The following ATP6V1A variants were observed in gnomAD, a reference collection of about 807,000 sequenced individuals.
ATP6V1A encodes ATPase H+ transporting V1 subunit A, also known as V-type proton ATPase catalytic subunit A.
ATP6V1A carries 18 observed loss-of-function variants against 70.1 expected under a neutral mutation model. That is an observed-to-expected ratio of 0.26 (90% CI 0.18 to 0.38). ATP6V1A has a LOEUF of 0.38. Among genes scored for constraint, ATP6V1A ranks in the 10% least tolerant of loss-of-function variants. ATP6V1A has a pLI of 1.00. For synonymous variants in ATP6V1A, 232 were observed against 253.8 expected (o/e 0.91, Z 0.82); for missense variants, 424 against 772.4 (o/e 0.55, Z 5.35).
In ATP6V1A at chr3:113,778,742, TA is replaced by T; in HGVS notation, c.-9del. 2 of 1,550,470 alleles carry T rather than the reference TA, an allele frequency of 1.3e-6. No homozygotes were observed. The highest frequency in any genetic ancestry group is 1.7e-6 in the Non-Finnish European group (2 of 1,143,870). On this transcript the variant is annotated splice_region_variant and 5_prime_UTR_variant, in exon 2 of 15. Transcript: ENST00000273398. ...TATTTATTTATTTATTTACTATAGG[TA>T]AACTAACATTATGGATTTTTCCAAG...
intron 2 of ATP6V1A, among the ~76,000 whole-genome samples, chr3:113,779,769 CAAA>C (rs986894494): frequency 2.0e-5 from 3 of 152,100 alleles, no homozygotes; most frequent in African/African-American, 4.8e-5. Context: ...AGAGAAAAGG[CAAA>C]AGAACATCAG....
intron 9 of ATP6V1A, 42 bp downstream of exon 9, chr3:113,795,036 G>T (rs774450065): frequency 4.3e-6 from 7 of 1,613,272 alleles, no homozygotes; most frequent in East Asian, 4.5e-5. Flanking sequence ...AGACTGATGG[G>T]ATTTTCGGGG....
At chr3:113,800,971 A>T (rs2108042553) in intron 12 of ATP6V1A, among the ~76,000 whole-genome samples, 1 of 152,204 alleles carries the variant, frequency 6.6e-6, no homozygotes, top group South Asian at 2.1e-4. Flanking sequence ...CCTGGGCAAC[A>T]TGACGAGACC....
chr3:113,787,764 C>T (rs889992327), intron 6 of ATP6V1A, among the ~76,000 whole-genome samples: 9 of 152,084 alleles, frequency 5.9e-5, no homozygotes, highest in African/African-American at 1.9e-4. Flanking sequence ...AAAGTAATGG[C>T]AAAAACCGAT....
intron 11 of ATP6V1A, among the ~76,000 whole-genome samples, chr3:113,796,229 A>G (rs1709152221): frequency 6.6e-6 from 1 of 152,216 alleles, no homozygotes; most frequent in South Asian, 2.1e-4. Flanking sequence ...TTTAAGTCAT[A>G]GTAACCCTAG....
chr3:113,795,218 C>A lies in ATP6V1A; in HGVS notation c.1226+14C>A. On this transcript the variant is annotated intron_variant, in intron 10 of 14. Coordinates refer to ENST00000273398, the MANE Select transcript of ATP6V1A (RefSeq NM_001690.4). ...CATTGTAGGAGCGTAAGCACCCACA[C>A]TATTTACTTTGCAAAAGGAAAAAAG... is the stretch of plus-strand genomic sequence containing the variant. The A allele has an allele frequency of 1.9e-6, 3 of 1,606,002 alleles. No homozygotes were observed. The highest frequency in any genetic ancestry group is 2.5e-6 in the Non-Finnish European group (3 of 1,176,674).
In ATP6V1A at chr3:113,766,731, C is replaced by T. The variant is rs1035963898; in HGVS notation, c.-13-12010C>T. ...TTAAAATGTGAATTTTGGGGGGACA[C>T]ATTTAGTCCATGACACATGGCTTTC... is the stretch of plus-strand genomic sequence containing the variant. On this transcript the variant is annotated intron_variant, in intron 1 of 14. Coordinates refer to ENST00000273398, the MANE Select transcript of ATP6V1A (RefSeq NM_001690.4). Among the ~76,000 whole-genome samples, 3 of 152,312 alleles carry T rather than the reference C, an allele frequency of 2.0e-5. No individual in the cohort carries two copies. In the East Asian group the frequency reaches 5.8e-4, roughly 29 times the overall value.
chr3:113,783,837 C>T (rs1470634429), intron 3 of ATP6V1A, among the ~76,000 whole-genome samples: 5 of 152,130 alleles, frequency 3.3e-5, no homozygotes, highest in Admixed American at 3.3e-4. Flanking sequence ...GAACAAGTTT[C>T]CAATCTGATT....
rs768613444 is a variant in ATP6V1A, at chr3:113,795,859, A to AT, written c.1227-9dup. ...TGACCATTTTTTTTGTAATGACCATATTTTTTTTAAATTTAGAGTTTCTCC... is the reference window on the plus strand; with the variant it reads ...TGACCATTTTTTTTGTAATGACCATATTTTTTTTTAAATTTAGAGTTTCTCC... On this transcript the variant is annotated splice_polypyrimidine_tract_variant and intron_variant, in intron 10 of 14. Transcript: ENST00000273398. The AT allele has an allele frequency of 3.3e-5, 53 of 1,593,318 alleles. No homozygotes were observed. The highest frequency in any genetic ancestry group is 4.5e-5 in the East Asian group (2 of 44,178).
At chr3:113,800,351 C>T (rs1415213808) in intron 12 of ATP6V1A, among the ~76,000 whole-genome samples, 1 of 152,000 alleles carries the variant, frequency 6.6e-6, no homozygotes, top group Non-Finnish European at 1.5e-5. Flanking sequence ...AAAGTGTGAG[C>T]TTCTCCCCTA....
At chr3:113,775,084 A>G (rs1708893238) in intron 1 of ATP6V1A, among the ~76,000 whole-genome samples, 1 of 152,176 alleles carries the variant, frequency 6.6e-6, no homozygotes, top group Non-Finnish European at 1.5e-5. Flanking sequence ...AAATAGGGCC[A>G]AAGGATTGAA....
chr3:113,788,636 A>G (rs1429513986), intron 6 of ATP6V1A, 77 bp from the exon 7 acceptor site: 15 of 1,440,526 alleles, frequency 1.0e-5, no homozygotes, highest in Admixed American at 2.1e-5. Flanking sequence ...GGCGTGAGCC[A>G]CCGCGCCCGG....
At chr3:113,784,586 A>G in intron 4 of ATP6V1A, 110 bp from the exon 5 acceptor site, 1 of 1,440,742 alleles carries the variant, frequency 6.9e-7, no homozygotes, top group Non-Finnish European at 9.4e-7. Flanking sequence ...ATGGGATTTT[A>G]GAACTAATGT....
chr3:113,810,898 C>G lies in ATP6V1A; in HGVS notation c.*1471C>G, dbSNP rs1485352340. ...TGGCTTAAGAGGTTTCTCAGAATAT[C>G]TATGGCCACAGCAGCATACCAGTTT... On this transcript the variant is annotated 3_prime_UTR_variant, in exon 15 of 15. Coordinates refer to ENST00000273398, the MANE Select transcript of ATP6V1A (RefSeq NM_001690.4). The G allele has an allele frequency of 6.6e-6, 1 of 152,186 alleles. No homozygotes were observed. The highest frequency in any genetic ancestry group is 1.9e-4 in the East Asian group (1 of 5,206). The allele number at this position is 152,186 out of a possible 1,614,324, so 9.4% of individuals were successfully genotyped here.
At chr3:113,780,607 G>A (rs1455298842) in intron 2 of ATP6V1A, 8 of 459,654 alleles carry the variant, frequency 1.7e-5, no homozygotes, top group Admixed American at 1.7e-4. Context: ...GTTGCTTTAG[G>A]TCTGTCTCTC....
intron 2 of ATP6V1A, 103 bp downstream of exon 2, chr3:113,778,938 A>G (rs891753245): frequency 2.1e-5 from 17 of 801,304 alleles, no homozygotes; most frequent in Non-Finnish European, 3.0e-5. Context: ...TTACCTGCAT[A>G]AATTCTGTTT....
intron 1 of ATP6V1A, among the ~76,000 whole-genome samples, chr3:113,770,029 TTTTATTTATTTATTTATTTA>T (rs143157842): frequency 1.4e-5 from 2 of 147,694 alleles, no homozygotes; most frequent in African/African-American, 2.5e-5. Flanking sequence ...GTATTCCTGC[TTTTATTTATTTATTTATTTA>T]TTTATTTATT....
intron 14 of ATP6V1A, among the ~76,000 whole-genome samples, chr3:113,808,503 A>G (rs771933161): frequency 1.3e-5 from 2 of 152,002 alleles, no homozygotes; most frequent in Non-Finnish European, 2.9e-5. Context: ...CATGTTGGCC[A>G]GGATGGTCTC....
In ATP6V1A at chr3:113,765,654, G is replaced by A. The variant is rs548952026; in HGVS notation, c.-13-13087G>A. ...GATGAGTGGCCGGGCGCGGTGGCTC[G>A]GCCTGTTATCCCAGCACTTTGGGAG... On this transcript the variant is annotated intron_variant, in intron 1 of 14. Transcript: ENST00000273398. 6.3e-4 allele frequency among the ~76,000 whole-genome samples: 92 copies of A among 145,070 alleles called. 1 individual carries two copies. Among genetic ancestry groups the A allele is most frequent in the African/African-American group, 2.3e-3 (89 of 38,842 alleles).
Sources: gnomAD v4.1 joint callset for allele counts (sites outside exome capture counted in the v4.1 genomes callset) on GRCh38, gnomAD v4.1.1 for gene constraint, MANE v1.5 for transcripts, NCBI Gene and HGNC (gene_info 2026-07-23, HGNC 2026-07-21) for gene names.